KANK4: variants seen among roughly 807,000 people sequenced by gnomAD.
KANK4 encodes KN motif and ankyrin repeat domains 4, also known as KN motif and ankyrin repeat domain-containing protein 4.
In KANK4, 50 loss-of-function variants were observed where a neutral mutation model predicts 80.8. The ratio of observed to expected loss-of-function variants is 0.62; its 90% CI spans 0.49 to 0.78. KANK4 has a LOEUF of 0.78. KANK4 is among the 30% of genes least tolerant of loss of function. KANK4 has a pLI of 0.00. For synonymous variants in KANK4, 465 were observed against 506.9 expected (o/e 0.92, Z 1.11); for missense variants, 1,196 against 1,240.1 (o/e 0.96, Z 0.53).
At chr1:62,278,283 G>C (rs1412338174) in intron 2 of KANK4, among the ~76,000 whole-genome samples, 1 of 151,482 alleles carries the variant, frequency 6.6e-6, no homozygotes, top group Non-Finnish European at 1.5e-5. Flanking sequence ...GTTTAAAAAA[G>C]TTGCAAATGG....
intron 1 of KANK4, among the ~76,000 whole-genome samples, chr1:62,292,344 C>G (rs990751789): frequency 9.2e-5 from 14 of 152,144 alleles, no homozygotes; most frequent in Admixed American, 2.6e-4. Context: ...CGTGAACACG[C>G]AGGAGGTATG....
At chr1:62,281,793 C>T (rs1238647488) in intron 1 of KANK4, among the ~76,000 whole-genome samples, 159 bp from the exon 2 acceptor site, 1 of 152,182 alleles carries the variant, frequency 6.6e-6, no homozygotes, top group African/African-American at 2.4e-5. Context: ...AACCTGTACA[C>T]ATTTCTAGAG....
intron 1 of KANK4, among the ~76,000 whole-genome samples, chr1:62,289,924 C>T (rs1020706303): frequency 2.0e-5 from 3 of 152,152 alleles, no homozygotes; most frequent in African/African-American, 4.8e-5. Flanking sequence ...ATCTTGCTCA[C>T]ATTACTGAAC....
At chr1:62,244,150 T>G (rs1423326092) in intron 9 of KANK4, among the ~76,000 whole-genome samples, 1 of 152,092 alleles carries the variant, frequency 6.6e-6, no homozygotes, top group Non-Finnish European at 1.5e-5. Context: ...CAAAGGAACC[T>G]ACCCAAAGTC....
intron 9 of KANK4, among the ~76,000 whole-genome samples, chr1:62,244,308 G>A (rs1180048869): frequency 6.6e-6 from 1 of 151,588 alleles, no homozygotes; most frequent in East Asian, 1.9e-4. Context: ...CAATCTTCCT[G>A]CCTCAGCCTC....
rs1246251303 is a variant in KANK4, at chr1:62,274,040, T to G, written c.1064A>C (p.Glu355Ala). The G allele has an allele frequency of 6.2e-7, 1 of 1,614,034 alleles. No individual in the cohort carries two copies. Reference protein sequence around the residue: ...LKQQVSALEGELSGRTEELAQ... With the variant: ...LKQQVSALEGALSGRTEELAQ... Reference sequence around the variant, plus strand: ...CAGTTCCTCGGTTCTTCCAGACAACTCTCCCTCCAGGGCCGAGACCTGCTG... The same window carrying G: ...CAGTTCCTCGGTTCTTCCAGACAACGCTCCCTCCAGGGCCGAGACCTGCTG... Residue 355 changes from glutamate to alanine, a missense_variant, in exon 3 of 10, where the codon GAG becomes GCG. Physicochemically the swap from Glu to Ala is moderately radical, Grantham distance 107 (BLOSUM62 -1). Around this residue, in one of 3 missense-constraint regions of KANK4, gnomAD observed 1,154 missense variants for 1,179.6 expected, o/e 0.98. Transcript: ENST00000371153.
In KANK4 at chr1:62,266,762, T is replaced by C. The variant is rs1267505025; in HGVS notation, c.2289A>G (p.Pro763=). 3 of 1,612,886 alleles carry C rather than the reference T, an allele frequency of 1.9e-6. No individual in the cohort carries two copies. Among genetic ancestry groups the C allele is most frequent in the Non-Finnish European group, 2.5e-6 (3 of 1,178,948 alleles). ...NACRALSQHL[P]ETGTTTDQLL... is the part of the protein sequence containing the mutation. Reference sequence around the variant, plus strand: ...GCTGGTCTGTGGTGGTCCCAGTTTCTGGCAGATGCTGGCTCAGTGCCCGGC... The same window carrying C: ...GCTGGTCTGTGGTGGTCCCAGTTTCCGGCAGATGCTGGCTCAGTGCCCGGC... The change falls in exon 6 of 10, where the codon CCA becomes CCG. Residue 763 remains proline, a synonymous_variant. Transcript: ENST00000371153.
chr1:62,242,903 C>T (rs1163611217), intron 9 of KANK4, among the ~76,000 whole-genome samples: 2 of 152,164 alleles, frequency 1.3e-5, no homozygotes, highest in Non-Finnish European at 2.9e-5. Context: ...TCAAAAGCTC[C>T]CTTTTCCCAC....
intron 9 of KANK4, among the ~76,000 whole-genome samples, chr1:62,246,243 GTTTA>G (rs1441639893): frequency 1.3e-5 from 2 of 152,304 alleles, no homozygotes; most frequent in Non-Finnish European, 2.9e-5. Flanking sequence ...TTACGAGGAA[GTTTA>G]TTTAAGAAGC....
In KANK4 at chr1:62,274,551, G is replaced by C. The variant is rs377253083; in HGVS notation, c.553C>G (p.Pro185Ala). Residue 185 changes from proline (P) to alanine (A), a missense_variant, in exon 3 of 10, where the codon CCT becomes GCT. Pro to Ala is a conservative substitution (Grantham distance 27, BLOSUM62 -1). This residue lies in a region of KANK4 where 1,154 missense variants were observed against 1,179.6 expected (regional missense o/e 0.98). Transcript: ENST00000371153. ...AGGGGAGGGAGGGCAGGAGGGGCAGGGGGCCCCAGGCTCAGGCCTGGCTCC... is the reference window on the plus strand; with the variant it reads ...AGGGGAGGGAGGGCAGGAGGGGCAGCGGGCCCCAGGCTCAGGCCTGGCTCC... ...SEEPGLSLGPPAPPALPPLQG... is the reference protein window; with the variant it reads ...SEEPGLSLGPAAPPALPPLQG... 3.7e-6 allele frequency: 6 copies of C among 1,613,980 alleles called. No homozygotes were observed. Among genetic ancestry groups the C allele is most frequent in the Non-Finnish European group, 5.1e-6 (6 of 1,179,964 alleles).
intron 1 of KANK4, among the ~76,000 whole-genome samples, chr1:62,317,914 A>G (rs990418524): frequency 6.6e-6 from 1 of 152,140 alleles, no homozygotes; most frequent in East Asian, 1.9e-4. Flanking sequence ...GTCTGGTCTG[A>G]TCCCCGAGCC....
chr1:62,297,655 A>G (rs1350199166), intron 1 of KANK4, among the ~76,000 whole-genome samples: 1 of 152,248 alleles, frequency 6.6e-6, no homozygotes, highest in Non-Finnish European at 1.5e-5. Context: ...GGCGATTATT[A>G]AAATATAAAC....
chr1:62,236,248 C>G lies in KANK4; in HGVS notation c.*2029G>C, dbSNP rs1671197862. ...AAGTGTGGTTGTGGCTCGATAGCAT[C>G]AGCATCTCCCAGGACCTGGTTAGAA... On this transcript the variant is annotated 3_prime_UTR_variant, in exon 10 of 10. Coordinates refer to ENST00000371153, the MANE Select transcript of KANK4 (RefSeq NM_181712.5). Among the ~76,000 whole-genome samples, 1 of 152,150 alleles carries G rather than the reference C, an allele frequency of 6.6e-6. No individual in the cohort carries two copies. Among genetic ancestry groups the G allele is most frequent in the Non-Finnish European group, 1.5e-5 (1 of 68,030 alleles).
intron 7 of KANK4, among the ~76,000 whole-genome samples, chr1:62,257,534 C>T (rs943132211): frequency 3.3e-5 from 5 of 152,206 alleles, no homozygotes; most frequent in Admixed American, 1.3e-4. Context: ...AAATAAAGGA[C>T]GGATCACTTG....
At chr1:62,300,124 A>G (rs1571041338) in intron 1 of KANK4, among the ~76,000 whole-genome samples, 1 of 152,106 alleles carries the variant, frequency 6.6e-6, no homozygotes, top group Non-Finnish European at 1.5e-5. Context: ...CCAGGGCAAA[A>G]GTGAGGCTCC....
At chr1:62,304,709 G>GC (rs1291939081) in intron 1 of KANK4, among the ~76,000 whole-genome samples, 6 of 151,684 alleles carry the variant, frequency 4.0e-5, no homozygotes, top group Admixed American at 3.9e-4. Flanking sequence ...CCGATTACCC[G>GC]CCCCCTCGCC....
rs1553130852 is a variant in KANK4, at chr1:62,278,376, C to CTTT, written c.16+3172_16+3173insAAA. The stretch of plus-strand genomic sequence containing the variant: ...TCCTTCCTTCCTTCCTTCCTTCCTT[C>CTTT]CTTTCTTTCTTTCTTTCTTTCTTTT... On this transcript the variant is annotated intron_variant, in intron 2 of 9. Transcript: ENST00000371153. 4.3e-4 allele frequency among the ~76,000 whole-genome samples: 14 copies of CTTT among 32,284 alleles called. 1 individual carries two copies. Among genetic ancestry groups the CTTT allele is most frequent in the Admixed American group, 8.3e-4 (2 of 2,408 alleles). 21.2% of individuals were successfully genotyped at this position (32,284 alleles called of 152,430 possible). A position where few individuals can be genotyped will look rare whatever the true frequency, so the allele number is the denominator to read the frequency against.
chr1:62,309,088 A>T (rs1490396423), intron 1 of KANK4, among the ~76,000 whole-genome samples: 1 of 152,162 alleles, frequency 6.6e-6, no homozygotes, highest in African/African-American at 2.4e-5. Context: ...CAAACAAAAG[A>T]TGTGTGTATG....
intron 1 of KANK4, among the ~76,000 whole-genome samples, chr1:62,285,813 G>A (rs1400711911): frequency 3.9e-5 from 6 of 151,944 alleles, no homozygotes; most frequent in African/African-American, 1.4e-4. Context: ...CCTGTACCTT[G>A]GACTGATCAT....
Sources: allele counts gnomAD v4.1 joint callset (sites outside exome capture counted in the v4.1 genomes callset), GRCh38; gene constraint gnomAD v4.1.1; regional missense constraint gnomAD v4.1.1; transcripts MANE v1.5; gene names NCBI Gene and HGNC (gene_info 2026-07-23, HGNC 2026-07-21).